The following ZNF33A variants were observed in gnomAD, a reference collection of about 807,000 sequenced individuals.
ZNF33A encodes brain my041 protein.
ZNF33A carries 9 observed loss-of-function variants against 15.9 expected under a neutral mutation model. That is an observed-to-expected ratio of 0.57 (90% CI 0.34 to 0.99). The LOEUF (loss-of-function observed/expected upper bound fraction) is 0.99. Ranked by LOEUF, ZNF33A falls within the 50% of genes least tolerant of loss-of-function variation. The pLI is 0.02. For synonymous variants in ZNF33A, 294 were observed against 324.2 expected (o/e 0.91, Z 1.00); for missense variants, 843 against 941.6 (o/e 0.90, Z 1.37).
Position 38,012,179 on chromosome 10 carries a change from A to C in ZNF33A, c.-44-119A>C, listed in dbSNP as rs965113186. 9 of 916,902 alleles carry C rather than the reference A, an allele frequency of 9.8e-6. No homozygotes were observed. In the African/African-American group the frequency reaches 1.5e-4, roughly 15 times the overall value. 56.8% of individuals were successfully genotyped at this position (916,902 alleles called of 1,614,324 possible). On this transcript the variant is annotated intron_variant, in intron 1 of 4. Transcript: ENST00000432900. The stretch of plus-strand genomic sequence containing the variant: ...TTCCAAAGTGTCAGAGGACATTGAT[A>C]CTCTCCCAGAGGAAGCATTTTACCT...
At chr10:38,041,237 A>G (rs980579562) in intron 4 of ZNF33A, among the ~76,000 whole-genome samples, 55 of 152,084 alleles carry the variant, frequency 3.6e-4, no homozygotes, top group Non-Finnish European at 1.3e-4. Context: ...AGCACCCATC[A>G]AGTAATTTCT....
rs1174824362 is a variant in ZNF33A at position 38,059,628 on chromosome 10, T to C, written c.*3068T>C. ...ATCTGAAAAGGCTTTCTATTTTGTATGATTGCAATTATATGACATTTTGGG... is the reference window on the plus strand; with the variant it reads ...ATCTGAAAAGGCTTTCTATTTTGTACGATTGCAATTATATGACATTTTGGG... On this transcript the variant is annotated 3_prime_UTR_variant, in exon 5 of 5. Transcript: ENST00000432900. 6.6e-6 allele frequency: 1 copy of C among 152,208 alleles called. No homozygotes were observed. Among genetic ancestry groups the C allele is most frequent in the African/African-American group, 2.4e-5 (1 of 41,458 alleles). The allele number at this position is 152,208 out of a possible 1,614,324, so 9.4% of individuals were successfully genotyped here. A position where few individuals can be genotyped will look rare whatever the true frequency, so the allele number is the denominator to read the frequency against.
At chr10:38,023,980 G>A (rs1375662240) in intron 4 of ZNF33A, among the ~76,000 whole-genome samples, 1 of 151,900 alleles carries the variant, frequency 6.6e-6, no homozygotes, top group Non-Finnish European at 1.5e-5. Flanking sequence ...CCAATATGGA[G>A]AAACCCCATC....
Position 38,056,082 on chromosome 10 carries a change from T to G in ZNF33A, c.1958T>G (p.Ile653Ser), listed in dbSNP as rs2066466429. 1 of 1,614,058 alleles carries G rather than the reference T, an allele frequency of 6.2e-7. No individual in the cohort carries two copies. Among genetic ancestry groups the G allele is most frequent in the South Asian group, 1.1e-5 (1 of 91,078 alleles). ...GKAFCHKSAL[I>S]VHQRTHTQEK... is the part of the protein sequence containing the mutation. The stretch of plus-strand genomic sequence containing the variant: ...GCTTTCTGCCATAAGTCAGCTCTAA[T>G]TGTACATCAGAGAACCCATACACAA... Residue 653 changes from isoleucine (I) to serine (S), a missense_variant, in exon 5 of 5, where the codon ATT becomes AGT. Transcript: ENST00000432900.
Position 38,055,944 on chromosome 10 carries a change from A to G in ZNF33A, c.1820A>G (p.Lys607Arg), listed in dbSNP as rs1384088592. The G allele has an allele frequency of 6.2e-7, 1 of 1,613,918 alleles. No individual in the cohort carries two copies. The highest frequency in any genetic ancestry group is 8.5e-7 in the Non-Finnish European group (1 of 1,179,952). ...CATAATAGAACACATACAGGGGAGA[A>G]ACCCTATGAATGTAATGAATGTGGA... ...TKHNRTHTGEKPYECNECGKA... is the reference protein window; with the variant it reads ...TKHNRTHTGERPYECNECGKA... The change falls in exon 5 of 5, where the codon AAA (lysine) becomes AGA (arginine). Residue 607 changes from lysine (K) to arginine (R), a missense_variant. Coordinates refer to ENST00000432900, the MANE Select transcript of ZNF33A (RefSeq NM_006954.2).
intron 4 of ZNF33A, among the ~76,000 whole-genome samples, chr10:38,019,699 G>C (rs1322761467): frequency 6.6e-6 from 1 of 152,202 alleles, no homozygotes; most frequent in Non-Finnish European, 1.5e-5. Context: ...AAGAGAAAAT[G>C]TTGCTAGCAA....
chr10:38,017,500 T>C (rs2135550199), intron 4 of ZNF33A, 114 bp downstream of exon 4: 1 of 707,472 alleles, frequency 1.4e-6, no homozygotes, highest in East Asian at 2.7e-5. Context: ...ATAGGGATCC[T>C]AACCTCTGGA....
chr10:38,024,163 CAA>C (rs71007682), intron 4 of ZNF33A, among the ~76,000 whole-genome samples: 3 of 93,204 alleles, frequency 3.2e-5, no homozygotes, highest in Non-Finnish European at 4.1e-5. Flanking sequence ...AAAAACAAAA[CAA>C]AAAAAAAAAA....
At chr10:38,036,293 T>C (rs1216921316) in intron 4 of ZNF33A, among the ~76,000 whole-genome samples, 1 of 151,902 alleles carries the variant, frequency 6.6e-6, no homozygotes, top group Non-Finnish European at 1.5e-5. Context: ...CTAAATAAGC[T>C]GGGCGTGGTG....
intron 4 of ZNF33A, among the ~76,000 whole-genome samples, chr10:38,053,788 T>C (rs1267030099): frequency 1.3e-5 from 2 of 152,166 alleles, no homozygotes; most frequent in African/African-American, 4.8e-5. Context: ...ATCTTCTGAG[T>C]ATTTTCCCAC....
At position 38,055,611 on chromosome 10, in the gene ZNF33A, C is replaced by A. The variant is rs372380881; in HGVS notation, c.1487C>A (p.Ser496Tyr). 2.0e-5 allele frequency: 32 copies of A among 1,613,950 alleles called. No individual in the cohort carries two copies. The highest frequency in any genetic ancestry group is 2.5e-5 in the Non-Finnish European group (30 of 1,180,006). ...CAGAGAATTCACATAGGAGATAAAT[C>A]TTATGAATGTAATGCATGTGGGAAA... The part of the protein sequence containing the change: ...QHQRIHIGDK[S>Y]YECNACGKTF... The change falls in exon 5 of 5, where the codon TCT becomes TAT. Residue 496 changes from serine to tyrosine, a missense_variant. Transcript: ENST00000432900.
chr10:38,057,180 G>C lies in ZNF33A; in HGVS notation c.*620G>C. 4.1e-6 allele frequency: 4 copies of C among 977,652 alleles called. No individual in the cohort carries two copies. The highest frequency in any genetic ancestry group is 4.9e-6 in the Non-Finnish European group (4 of 822,772). The allele number at this position is 977,652 out of a possible 1,614,324, so 60.6% of individuals were successfully genotyped here. ...AAACTTTTACGACTTTTACATTTGAGTAACCATCAACACGATTAGTTTACA... is the reference window on the plus strand; with the variant it reads ...AAACTTTTACGACTTTTACATTTGACTAACCATCAACACGATTAGTTTACA... On this transcript the variant is annotated 3_prime_UTR_variant, in exon 5 of 5. Coordinates refer to ENST00000432900, the MANE Select transcript of ZNF33A (RefSeq NM_006954.2).
downstream of ZNF33A, chr10:38,060,159 T>A (rs2135792145): frequency 1.2e-6 from 1 of 860,958 alleles, no homozygotes; most frequent in African/African-American, 1.8e-5. Flanking sequence ...ATTGCTTTTG[T>A]ACATCCTTAA....
chr10:38,020,775 T>G (rs917847985), intron 4 of ZNF33A, among the ~76,000 whole-genome samples: 19 of 152,244 alleles, frequency 1.2e-4, no homozygotes, highest in African/African-American at 3.9e-4. Context: ...TTAGCTCTTG[T>G]GAACAGTGCT....
chr10:38,054,139 A>G (rs996368483), intron 4 of ZNF33A, among the ~76,000 whole-genome samples: 4 of 152,166 alleles, frequency 2.6e-5, no homozygotes, highest in Non-Finnish European at 5.9e-5. Context: ...TGTGCCTTCA[A>G]TAGTTAAATT....
chr10:38,033,834 T>C, intron 4 of ZNF33A, among the ~76,000 whole-genome samples: 1 of 151,878 alleles, frequency 6.6e-6, no homozygotes, highest in Admixed American at 6.6e-5. Context: ...TGCCTCAGCC[T>C]CCCGAGTAGC....
intron 4 of ZNF33A, among the ~76,000 whole-genome samples, chr10:38,033,983 T>A (rs1203035808): frequency 6.6e-6 from 1 of 152,200 alleles, no homozygotes; most frequent in Non-Finnish European, 1.5e-5. Context: ...AGTGCTGGGA[T>A]TACAGGCGTG....
chr10:38,026,071 C>T (rs2064973555), intron 4 of ZNF33A, among the ~76,000 whole-genome samples: 1 of 152,176 alleles, frequency 6.6e-6, no homozygotes. Context: ...ATGATGCTTT[C>T]AGCTTTCAAC....
intron 4 of ZNF33A, among the ~76,000 whole-genome samples, chr10:38,046,196 T>C (rs779412055): frequency 3.8e-4 from 58 of 152,122 alleles, no homozygotes; most frequent in Non-Finnish European, 7.1e-4. Context: ...AGGAGATAGA[T>C]GCACACAGAG....
Sources: allele counts gnomAD v4.1 joint callset (sites outside exome capture counted in the v4.1 genomes callset), GRCh38; gene constraint gnomAD v4.1.1; transcripts MANE v1.5; gene names NCBI Gene and HGNC (gene_info 2026-07-23, HGNC 2026-07-21).